The following MED15 variants were observed in gnomAD, a reference collection of about 807,000 sequenced individuals.
MED15 encodes the protein mediator complex subunit 15.
In MED15, 41 loss-of-function variants were observed where a neutral mutation model predicts 118.7. The observed-to-expected ratio is 0.35, with a 90% confidence interval of 0.27 to 0.45. The LOEUF is 0.45. Ranked by LOEUF, MED15 falls within the 20% of genes least tolerant of loss-of-function variation. MED15 has a pLI of 1.00. For synonymous variants in MED15, 436 were observed against 413.9 expected (o/e 1.05, Z -0.65); for missense variants, 740 against 1,025.5 (o/e 0.72, Z 3.80).
chr22:20,584,729 G>C (rs1429043463), intron 14 of MED15, 126 bp from the exon 15 acceptor site: 4 of 1,195,304 alleles, frequency 3.3e-6, no homozygotes, highest in Non-Finnish European at 4.7e-6. Flanking sequence ...GTCTGCACAA[G>C]GGTGGAGGCT....
chr22:20,534,667 C>T lies in MED15; in HGVS notation c.69-2450C>T, dbSNP rs182356988. 5.6e-4 allele frequency among the ~76,000 whole-genome samples: 86 copies of T among 152,332 alleles called. 1 individual carries two copies. The highest frequency in any genetic ancestry group is 1.6e-4 in the Non-Finnish European group (11 of 68,032). On this transcript the variant is annotated intron_variant, in intron 1 of 17. Coordinates refer to ENST00000263205, the MANE Select transcript of MED15 (RefSeq NM_001003891.3). ...TTCTATCAGAAATGCTCACTGACTTCTTGGGGCCTAGCAGCTATCGTCTCA... is the reference window on the plus strand; with the variant it reads ...TTCTATCAGAAATGCTCACTGACTTTTTGGGGCCTAGCAGCTATCGTCTCA...
intron 16 of MED15, 49 bp downstream of exon 16, chr22:20,585,316 G>T (rs557038173): frequency 1.3e-6 from 2 of 1,593,650 alleles, no homozygotes; most frequent in East Asian, 4.5e-5. Flanking sequence ...GGCCCTGACC[G>T]CAGCCCCAGG....
At chr22:20,572,966 C>CT (rs361635) in intron 8 of MED15, among the ~76,000 whole-genome samples, 36,844 of 137,084 alleles carry the variant, frequency 0.27, 4,893 homozygotes, top group Non-Finnish European at 0.3. Flanking sequence ...ATCTCATTTT[C>CT]TTTTTTTTTT....
intron 1 of MED15, among the ~76,000 whole-genome samples, chr22:20,528,942 A>G (rs2054753962): frequency 6.6e-6 from 1 of 152,158 alleles, no homozygotes; most frequent in Non-Finnish European, 1.5e-5. Context: ...TGAGGGATGC[A>G]GGGATATCTT....
At chr22:20,550,301 C>T (rs1288616028) in intron 2 of MED15, among the ~76,000 whole-genome samples, 1 of 152,136 alleles carries the variant, frequency 6.6e-6, no homozygotes, top group African/African-American at 2.4e-5. Context: ...CCTTGGTGTC[C>T]CCTTGTTCTG....
At chr22:20,577,170 GC>G (rs1256002519) in intron 9 of MED15, among the ~76,000 whole-genome samples, 1 of 152,094 alleles carries the variant, frequency 6.6e-6, no homozygotes. Flanking sequence ...AAACCCTTAT[GC>G]CTTGGCCTCT....
At chr22:20,535,716 T>C (rs4538305) in intron 1 of MED15, among the ~76,000 whole-genome samples, 5,303 of 149,902 alleles carry the variant, frequency 0.035, 529 homozygotes, top group Admixed American at 0.23. Context: ...CCTGCCACCA[T>C]GCCCAGCTAA....
chr22:20,522,980 C>T (rs555513265), intron 1 of MED15: 1 of 152,282 alleles, frequency 6.6e-6, no homozygotes, highest in East Asian at 1.9e-4. Flanking sequence ...ACCTTCAGGA[C>T]TTGTGGGTGT....
intron 1 of MED15, among the ~76,000 whole-genome samples, chr22:20,512,712 C>G (rs2146336443): frequency 6.6e-6 from 1 of 151,300 alleles, no homozygotes; most frequent in Non-Finnish European, 1.5e-5. Context: ...CTGCCTCAGC[C>G]TCCTGAGTAG....
intron 1 of MED15, among the ~76,000 whole-genome samples, chr22:20,513,737 A>G (rs557754258): frequency 3.3e-5 from 5 of 152,334 alleles, no homozygotes; most frequent in African/African-American, 1.2e-4. Context: ...GTGCCCTTGC[A>G]GGAGTAGGAG....
chr22:20,556,312 T>A (rs932000233), intron 5 of MED15, among the ~76,000 whole-genome samples: 10 of 151,916 alleles, frequency 6.6e-5, no homozygotes, highest in African/African-American at 2.4e-4. Context: ...GTTTTTTTTT[T>A]TTTTTTGAGA....
At chr22:20,565,051 G>A (rs2056386639) in intron 6 of MED15, among the ~76,000 whole-genome samples, 2 of 152,234 alleles carry the variant, frequency 1.3e-5, no homozygotes, top group African/African-American at 4.8e-5. Flanking sequence ...CTAGAACCTG[G>A]GAGGCGGAGG....
chr22:20,519,393 G>A (rs1401687066), intron 1 of MED15, among the ~76,000 whole-genome samples: 1 of 151,522 alleles, frequency 6.6e-6, no homozygotes, highest in African/African-American at 2.4e-5. Flanking sequence ...TGGAGAAGAT[G>A]CTTTACCTTC....
At chr22:20,520,253 G>A (rs114516538) in intron 1 of MED15, among the ~76,000 whole-genome samples, 4,590 of 152,264 alleles carry the variant, frequency 0.03, 235 homozygotes, top group African/African-American at 0.1. Flanking sequence ...CCACGTGCCC[G>A]CTGCCCTTCT....
Position 20,582,918 on chromosome 22 carries a change from G to A in MED15, c.1488G>A (p.Arg496=), listed in dbSNP as rs775046485. ...CCTCCCAGAGCCCAGTGACGGCGCG[G>A]ACCCCACAGAACTTCAGTGTCCCCT... ...PQPSQSPVTA[R]TPQNFSVPSP... Residue 496 remains arginine, a synonymous_variant, in exon 11 of 18, where the codon CGG becomes CGA. Transcript: ENST00000263205. 1.2e-6 allele frequency: 2 copies of A among 1,613,674 alleles called. No homozygotes were observed. The highest frequency in any genetic ancestry group is 1.7e-6 in the Non-Finnish European group (2 of 1,180,004).
At chr22:20,533,493 C>T (rs2054934341) in intron 1 of MED15, among the ~76,000 whole-genome samples, 1 of 152,200 alleles carries the variant, frequency 6.6e-6, no homozygotes, top group African/African-American at 2.4e-5. Flanking sequence ...CCTGCTGGGC[C>T]TCCCTGGGTG....
intron 1 of MED15, among the ~76,000 whole-genome samples, chr22:20,520,256 G>A (rs1005927313): frequency 2.0e-5 from 3 of 152,212 alleles, no homozygotes; most frequent in Admixed American, 2.0e-4. Flanking sequence ...CGTGCCCGCT[G>A]CCCTTCTCTT....
chr22:20,532,112 A>T (rs954601912), intron 1 of MED15, among the ~76,000 whole-genome samples: 8 of 152,194 alleles, frequency 5.3e-5, no homozygotes, highest in Non-Finnish European at 1.0e-4. Flanking sequence ...GCTCACTGGC[A>T]GTCATGTGAC....
intron 9 of MED15, 138 bp downstream of exon 9, chr22:20,575,370 T>A: frequency 6.8e-6 from 3 of 439,584 alleles, no homozygotes; most frequent in Non-Finnish European, 9.7e-6. Context: ...CACAGTCCCT[T>A]TTTTTTTTTT....
Sources: gnomAD v4.1 joint callset for allele counts (sites outside exome capture counted in the v4.1 genomes callset) on GRCh38, gnomAD v4.1.1 for gene constraint, MANE v1.5 for transcripts, NCBI Gene and HGNC (gene_info 2026-07-23, HGNC 2026-07-21) for gene names.